NCALD: variants seen among roughly 807,000 people sequenced by gnomAD.
NCALD encodes the protein neurocalcin delta, also known as neurocalcin-delta.
Under a neutral mutation model 18.6 loss-of-function variants are expected in NCALD, and 10 were observed. The ratio of observed to expected loss-of-function variants is 0.54; its 90% CI spans 0.33 to 0.91. The LOEUF is 0.91. NCALD is among the 40% of genes least tolerant of loss of function. The pLI is 0.03. For missense variants in NCALD, 184 were observed against 247.6 expected, an observed-to-expected ratio of 0.74 and a Z score of 1.72; for synonymous variants, 88 against 87.4, an observed-to-expected ratio of 1.01 and a Z score of -0.04.
In NCALD at chr8:101,692,786, C is replaced by A. The variant is rs1180201538; in HGVS notation, c.484+5G>T. ...GAGCAAAGCAGTGTAGCCCCCGCCT[C>A]CTACCGTCTCTATTGGTGTCCATCT... On this transcript the variant is annotated splice_donor_5th_base_variant and intron_variant, in intron 3 of 3. Coordinates refer to ENST00000220931, the MANE Select transcript of NCALD (RefSeq NM_032041.3). The A allele has an allele frequency of 6.2e-7, 1 of 1,610,488 alleles. No individual in the cohort carries two copies. The highest frequency in any genetic ancestry group is 8.5e-7 in the Non-Finnish European group (1 of 1,176,980).
intron 2 of NCALD, among the ~76,000 whole-genome samples, chr8:102,001,879 C>T (rs1373927250): frequency 1.3e-5 from 2 of 152,176 alleles, no homozygotes; most frequent in African/African-American, 4.8e-5. Flanking sequence ...GAGGGAAGCA[C>T]TAAACCTGGA....
intron 2 of NCALD, among the ~76,000 whole-genome samples, chr8:101,918,922 C>T (rs973674050): frequency 2.0e-5 from 3 of 152,144 alleles, no homozygotes; most frequent in Non-Finnish European, 4.4e-5. Context: ...GTTACATTGG[C>T]CATATTACCC....
chr8:102,014,033 C>A (rs1821995400), intron 2 of NCALD, among the ~76,000 whole-genome samples: 1 of 152,144 alleles, frequency 6.6e-6, no homozygotes, highest in African/African-American at 2.4e-5. Flanking sequence ...GTTTTTGAAG[C>A]ATCAATAGCA....
intron 1 of NCALD, among the ~76,000 whole-genome samples, chr8:102,063,498 T>C (rs1228526371): frequency 6.6e-6 from 1 of 152,190 alleles, no homozygotes; most frequent in Non-Finnish European, 1.5e-5. Flanking sequence ...ATCCAGATGA[T>C]CTGGAATAAG....
At chr8:101,712,587 C>CAA (rs201729096) in intron 2 of NCALD, among the ~76,000 whole-genome samples, 3,607 of 77,794 alleles carry the variant, frequency 0.046, 240 homozygotes, top group African/African-American at 0.063. Flanking sequence ...AAATGGAAAG[C>CAA]AAAAAAAAAA....
At chr8:102,049,347 C>T (rs1167650419) in intron 1 of NCALD, among the ~76,000 whole-genome samples, 2 of 152,190 alleles carry the variant, frequency 1.3e-5, no homozygotes, top group African/African-American at 4.8e-5. Context: ...TTTAAGTTTC[C>T]TCTATGTCTT....
At chr8:101,695,854 G>T (rs1024197083) in intron 2 of NCALD, among the ~76,000 whole-genome samples, 16 of 152,066 alleles carry the variant, frequency 1.1e-4, no homozygotes, top group African/African-American at 3.9e-4. Context: ...TTAGTTTAAA[G>T]AATTTATTCA....
chr8:101,720,689 C>A (rs1816312137), intron 1 of NCALD, among the ~76,000 whole-genome samples: 1 of 152,168 alleles, frequency 6.6e-6, no homozygotes, highest in Non-Finnish European at 1.5e-5. Flanking sequence ...ATATTTAAAG[C>A]TACTCCCTTA....
chr8:101,981,546 C>A (rs746694951), intron 2 of NCALD, among the ~76,000 whole-genome samples: 4 of 152,176 alleles, frequency 2.6e-5, no homozygotes, highest in Non-Finnish European at 5.9e-5. Context: ...TTTCTCATGG[C>A]TGAATTAAAC....
intron 3 of NCALD, among the ~76,000 whole-genome samples, chr8:101,910,191 T>G (rs1817742157): frequency 6.6e-6 from 1 of 152,032 alleles, no homozygotes; most frequent in African/African-American, 2.4e-5. Context: ...AAGAAGAGGA[T>G]GGGAGGTTCT....
chr8:101,852,663 T>C (rs1815146211), intron 4 of NCALD: 1 of 152,230 alleles, frequency 6.6e-6, no homozygotes. Flanking sequence ...CGTCCATTCA[T>C]AGAGCAGCTA....
intron 2 of NCALD, among the ~76,000 whole-genome samples, chr8:101,699,619 G>A (rs959075053): frequency 3.3e-5 from 5 of 152,308 alleles, no homozygotes; most frequent in Admixed American, 1.3e-4. Context: ...CAGGGACATG[G>A]ATGAAGCTGG....
chr8:101,692,125 G>T, intron 3 of NCALD: 1 of 981,442 alleles, frequency 1.0e-6, no homozygotes, highest in East Asian at 1.1e-4. Context: ...GGATAATTGG[G>T]CCTCCTGTAT....
chr8:102,058,584 T>C (rs1482845592), intron 1 of NCALD, among the ~76,000 whole-genome samples: 1 of 152,186 alleles, frequency 6.6e-6, no homozygotes, highest in East Asian at 1.9e-4. Flanking sequence ...CCACACACCG[T>C]TTCCATTTCT....
chr8:102,080,167 A>G (rs763021872), intron 1 of NCALD, among the ~76,000 whole-genome samples: 6 of 152,234 alleles, frequency 3.9e-5, no homozygotes, highest in Non-Finnish European at 7.3e-5. Flanking sequence ...TGAAAGGTTA[A>G]TGGCACAGTG....
intron 2 of NCALD, chr8:101,950,126 C>A (rs1044205509): frequency 1.3e-5 from 2 of 152,302 alleles, no homozygotes; most frequent in African/African-American, 2.4e-5. Flanking sequence ...CCAAACCCCA[C>A]AAAAATGACA....
chr8:101,775,839 A>T (rs1811769614), intron 1 of NCALD, among the ~76,000 whole-genome samples: 1 of 152,210 alleles, frequency 6.6e-6, no homozygotes, highest in African/African-American at 2.4e-5. Context: ...TTAGCATTCC[A>T]AGACCTCACT....
intron 1 of NCALD, among the ~76,000 whole-genome samples, chr8:102,029,721 G>A (rs767312299): frequency 1.1e-4 from 17 of 152,192 alleles, no homozygotes; most frequent in Middle Eastern, 3.2e-3. Context: ...CAGCATTCGA[G>A]CTGAAGGAAA....
intron 4 of NCALD, among the ~76,000 whole-genome samples, chr8:101,866,885 A>T (rs1344589363): frequency 2.0e-5 from 3 of 152,176 alleles, no homozygotes; most frequent in Non-Finnish European, 2.9e-5. Context: ...AAGTCAGAGC[A>T]TGTCACTTCT....
Sources: allele counts gnomAD v4.1 joint callset (sites outside exome capture counted in the v4.1 genomes callset), GRCh38; gene constraint gnomAD v4.1.1; transcripts MANE v1.5; gene names NCBI Gene and HGNC (gene_info 2026-07-23, HGNC 2026-07-21).